The following ANKH variants were observed in gnomAD, a reference collection of about 807,000 sequenced individuals.
ANKH encodes ANKH inorganic pyrophosphate transport regulator.
In ANKH, 15 loss-of-function variants were observed where a neutral mutation model predicts 49.0. That is an observed-to-expected ratio of 0.31 (90% CI 0.20 to 0.47). ANKH has a LOEUF of 0.47. Among genes scored for constraint, ANKH ranks in the 20% least tolerant of loss-of-function variants. The pLI, the probability that ANKH is intolerant of heterozygous loss-of-function variation, is 1.00. For missense variants in ANKH, 429 were observed against 652.0 expected (o/e 0.66, Z 3.72); for synonymous variants, 273 against 260.0 (o/e 1.05, Z -0.48).
chr5:14,737,492 C>T lies in ANKH; in HGVS notation c.1011+4335G>A, dbSNP rs1051538389. On this transcript the variant is annotated intron_variant, in intron 8 of 11. Coordinates refer to ENST00000284268, the MANE Select transcript of ANKH (RefSeq NM_054027.6). This position sits in a 1 kb window ranked among gnomAD's most constrained non-coding sequence, Gnocchi z 5.0. ...TAGAGAAGCACAGCCTTTTAGGGCA[C>T]ACTCACTGTCACTGTGTTCTACAGC... 6.6e-5 allele frequency among the ~76,000 whole-genome samples: 10 copies of T among 152,190 alleles called. No homozygotes were observed. Among genetic ancestry groups the T allele is most frequent in the African/African-American group, 2.4e-4 (10 of 41,452 alleles).
intron 1 of ANKH, among the ~76,000 whole-genome samples, chr5:14,803,995 A>G (rs944081117): frequency 6.6e-6 from 1 of 152,114 alleles, no homozygotes; most frequent in Non-Finnish European, 1.5e-5. Flanking sequence ...TCCTGGGTTC[A>G]AGTGATTCTC....
At chr5:14,757,437 T>A (rs1358137777) in intron 3 of ANKH, among the ~76,000 whole-genome samples, 183 of 140,772 alleles carry the variant, frequency 1.3e-3, no homozygotes, top group Middle Eastern at 4.0e-3. Flanking sequence ...TATATTTTTT[T>A]TTTTTTTTTT....
At chr5:14,715,824 C>T (rs1229100607) in intron 9 of ANKH, among the ~76,000 whole-genome samples, 2 of 152,180 alleles carry the variant, frequency 1.3e-5, no homozygotes, top group Non-Finnish European at 2.9e-5. Context: ...TATAGTACAC[C>T]TCACACCACT....
intron 1 of ANKH, among the ~76,000 whole-genome samples, chr5:14,840,125 T>TC (rs935293097): frequency 4.6e-5 from 7 of 152,218 alleles, no homozygotes; most frequent in African/African-American, 1.7e-4. Flanking sequence ...GGATGGAAGA[T>TC]AACATTTGCT....
At chr5:14,817,700 C>G (rs981383586) in intron 1 of ANKH, among the ~76,000 whole-genome samples, 7 of 152,152 alleles carry the variant, frequency 4.6e-5, no homozygotes, top group African/African-American at 1.7e-4. Flanking sequence ...AGAGAATGTT[C>G]CCTCTGACAT....
intron 1 of ANKH, among the ~76,000 whole-genome samples, chr5:14,864,626 A>G (rs1487126451): frequency 6.6e-6 from 1 of 152,256 alleles, no homozygotes; most frequent in Non-Finnish European, 1.5e-5. Flanking sequence ...TATGCCAGGC[A>G]TAAAGCCCAA....
At position 14,713,704 on chromosome 5, in the gene ANKH, G is replaced by A. The variant is rs757134725; in HGVS notation, c.1142-37C>T. 1.2e-4 allele frequency: 193 copies of A among 1,610,902 alleles called. No homozygotes were observed. Among genetic ancestry groups the A allele is most frequent in the Non-Finnish European group, 9.4e-5 (111 of 1,179,674 alleles). ...AGCAAAGGACTCGTCAGCCGTGCCC[G>A]CCATCCACTCCCCATCCTGCTGCCT... is the stretch of plus-strand genomic sequence containing the variant. On this transcript the variant is annotated intron_variant, in intron 9 of 11. Coordinates refer to ENST00000284268, the MANE Select transcript of ANKH (RefSeq NM_054027.6). This position sits in a 1 kb window ranked among gnomAD's most constrained non-coding sequence, Gnocchi z 4.4.
At chr5:14,740,327 C>G (rs1738313034) in intron 8 of ANKH, among the ~76,000 whole-genome samples, 1 of 152,174 alleles carries the variant, frequency 6.6e-6, no homozygotes, top group African/African-American at 2.4e-5. Flanking sequence ...CTAAAATGCT[C>G]TTAAATGGTT....
rs1038438822 is a variant in ANKH at position 14,725,382 on chromosome 5, C to G, written c.1012-8547G>C. ...ATAAAGTAAATCGATGCCTGCCTTC[C>G]TTAAGAAAGTCTTGCCATCCAAACA... On this transcript the variant is annotated intron_variant, in intron 8 of 11. Transcript: ENST00000284268. This position sits in a 1 kb window ranked among gnomAD's most constrained non-coding sequence, Gnocchi z 4.0. Among the ~76,000 whole-genome samples, 1 of 152,204 alleles carries G rather than the reference C, an allele frequency of 6.6e-6. No individual in the cohort carries two copies. Among genetic ancestry groups the G allele is most frequent in the Non-Finnish European group, 1.5e-5 (1 of 68,044 alleles).
At chr5:14,756,785 G>C (rs1738900384) in intron 3 of ANKH, among the ~76,000 whole-genome samples, 2 of 152,248 alleles carry the variant, frequency 1.3e-5, no homozygotes, top group South Asian at 4.2e-4. Context: ...AAGCTGCCAG[G>C]GGTGAGGGGG....
chr5:14,820,020 T>C (rs1484775520), intron 1 of ANKH, among the ~76,000 whole-genome samples: 1 of 151,898 alleles, frequency 6.6e-6, no homozygotes, highest in Non-Finnish European at 1.5e-5. Flanking sequence ...TTGGACCAAA[T>C]ACTATGGTGT....
At chr5:14,823,390 T>C (rs1741249758) in intron 1 of ANKH, among the ~76,000 whole-genome samples, 1 of 152,216 alleles carries the variant, frequency 6.6e-6, no homozygotes, top group African/African-American at 2.4e-5. Context: ...AAAGAACTTT[T>C]AAAAAGGAGA....
chr5:14,735,112 T>G (rs976613035), intron 8 of ANKH, among the ~76,000 whole-genome samples: 4 of 152,178 alleles, frequency 2.6e-5, no homozygotes, highest in Non-Finnish European at 5.9e-5. Flanking sequence ...CTTCTATCAG[T>G]AGCTACGGTG....
chr5:14,774,968 C>T (rs1465910413), intron 1 of ANKH, among the ~76,000 whole-genome samples: 1 of 151,990 alleles, frequency 6.6e-6, no homozygotes, highest in African/African-American at 2.4e-5. Flanking sequence ...AAGTATGATT[C>T]AAGACCCCCA....
At chr5:14,777,226 C>A (rs1301125781) in intron 1 of ANKH, among the ~76,000 whole-genome samples, 2 of 152,312 alleles carry the variant, frequency 1.3e-5, no homozygotes, top group African/African-American at 4.8e-5. Context: ...GTGGAGGTTG[C>A]AGTGAGCCGA....
rs1737334162 is a variant in ANKH at position 14,713,784 on chromosome 5, C to T, written c.1142-117G>A. On this transcript the variant is annotated intron_variant, in intron 9 of 11. Transcript: ENST00000284268. The surrounding 1 kb of genome is among the most constrained non-coding windows in gnomAD (Gnocchi z 4.4). Reference sequence around the variant, plus strand: ...GGGGCTGCCTAGGACCCTGGCCTTGCTGTTGAGCCGCTGGCCACCTCATCT... The same window carrying T: ...GGGGCTGCCTAGGACCCTGGCCTTGTTGTTGAGCCGCTGGCCACCTCATCT... The T allele has an allele frequency of 6.2e-6, 9 of 1,461,802 alleles. No homozygotes were observed. The highest frequency in any genetic ancestry group is 8.5e-6 in the Non-Finnish European group (9 of 1,053,030). The allele number at this position is 1,461,802 out of a possible 1,614,324, so 90.6% of individuals were successfully genotyped here.
rs1737809926 is a variant in ANKH at position 14,725,935 on chromosome 5, G to C, written c.1012-9100C>G. Reference sequence around the variant, plus strand: ...TAATTTTTGTATTTTTAGTAGAGATGGGGTTTCACCATGCAGAAAAACATT... The same window carrying C: ...TAATTTTTGTATTTTTAGTAGAGATCGGGTTTCACCATGCAGAAAAACATT... On this transcript the variant is annotated intron_variant, in intron 8 of 11. Transcript: ENST00000284268. The surrounding 1 kb of genome is among the most constrained non-coding windows in gnomAD (Gnocchi z 4.0). Among the ~76,000 whole-genome samples the C allele has an allele frequency of 3.3e-5, 5 of 152,008 alleles. No individual in the cohort carries two copies.
intron 8 of ANKH, among the ~76,000 whole-genome samples, chr5:14,740,416 CAG>C (rs1487845984): frequency 1.3e-5 from 2 of 152,266 alleles, no homozygotes; most frequent in Non-Finnish European, 2.9e-5. Context: ...ATCATGCTAA[CAG>C]GGGAGCATGG....
chr5:14,736,006 CTTTTTTTTTTTT>C lies in ANKH; in HGVS notation c.1011+5809_1011+5820del, dbSNP rs540010631. On this transcript the variant is annotated intron_variant, in intron 8 of 11. Transcript: ENST00000284268. The stretch of plus-strand genomic sequence containing the variant: ...AGAAAGATCCAGAGTAAAAACCTAA[CTTTTTTTTTTTT>C]TTTTTTTTTTTTTTTTTTTTAAAGA... Among the ~76,000 whole-genome samples the C allele has an allele frequency of 8.8e-4, 74 of 83,668 alleles. 1 individual carries two copies. The highest frequency in any genetic ancestry group is 8.1e-3 in the South Asian group (18 of 2,212). The allele number at this position is 83,668 out of a possible 152,430, so 54.9% of individuals were successfully genotyped here. A position where few individuals can be genotyped will look rare whatever the true frequency, so the allele number is the denominator to read the frequency against.
Sources: allele counts gnomAD v4.1 joint callset (sites outside exome capture counted in the v4.1 genomes callset), GRCh38; gene constraint gnomAD v4.1.1; non-coding constraint Gnocchi (gnomAD v3.1); transcripts MANE v1.5; gene names NCBI Gene and HGNC (gene_info 2026-07-23, HGNC 2026-07-21).